PDE4C: variants seen among roughly 807,000 people sequenced by gnomAD.
The protein encoded by PDE4C is 3',5'-cyclic-AMP phosphodiesterase 4C.
Under a neutral mutation model 63.9 loss-of-function variants are expected in PDE4C, and 50 were observed. The ratio of observed to expected loss-of-function variants is 0.78; its 90% CI spans 0.62 to 0.99. PDE4C has a LOEUF of 0.99. Ranked by LOEUF, PDE4C falls within the 50% of genes least tolerant of loss-of-function variation. The pLI is 0.00. For synonymous variants in PDE4C, 377 were observed against 385.1 expected, an observed-to-expected ratio of 0.98 and a Z score of 0.25; for missense variants, 777 against 899.1, an observed-to-expected ratio of 0.86 and a Z score of 1.74.
At chr19:18,244,792 A>G (rs977714149) in intron 1 of PDE4C, among the ~76,000 whole-genome samples, 1 of 150,252 alleles carries the variant, frequency 6.7e-6, no homozygotes, top group African/African-American at 2.4e-5. Context: ...GATTACAGGC[A>G]TGAGCCACAG....
intron 7 of PDE4C, 121 bp from the exon 8 acceptor site, chr19:18,219,518 T>A (rs540811146): frequency 2.5e-6 from 3 of 1,179,538 alleles, no homozygotes; most frequent in Admixed American, 2.8e-5. Flanking sequence ...GGAACCAAAG[T>A]AAGTTCGGAG....
At chr19:18,216,644 CG>C in intron 12 of PDE4C, 96 bp downstream of exon 12, 1 of 1,252,412 alleles carries the variant, frequency 8.0e-7, no homozygotes, top group South Asian at 1.5e-5. Flanking sequence ...GATGAACCGC[CG>C]GCCATGCCAA....
At chr19:18,226,296 C>A in exon 1 of PDE4C, 1 of 1,570,010 alleles carries the variant, frequency 6.4e-7, no homozygotes, top group African/African-American at 1.4e-5. Context: ...CCGTGAAGCG[C>A]CGCTGCAGGC....
chr19:18,246,958 T>A (rs1969144798), intron 1 of PDE4C, among the ~76,000 whole-genome samples: 1 of 152,060 alleles, frequency 6.6e-6, no homozygotes, highest in Non-Finnish European at 1.5e-5. Flanking sequence ...CAGAAACCAC[T>A]GAGTCCTAGA....
In PDE4C at chr19:18,216,716, GC is replaced by G. The variant is rs532055441; in HGVS notation, c.1389+24del. On this transcript the variant is annotated intron_variant, in intron 12 of 14. Coordinates refer to ENST00000262805, the Ensembl canonical transcript of PDE4C. ...TGCCCCGCTCCCCTCTGCCCCTCCC[GC>G]CCCGCTTACTGCCCTGGCCTCACCA... The G allele has an allele frequency of 5.0e-3, 5,403 of 1,076,908 alleles. 13 individuals are homozygous for G. The highest frequency in any genetic ancestry group is 6.4e-3 in the Non-Finnish European group (4,896 of 766,144). The allele number at this position is 1,076,908 out of a possible 1,614,324, so 66.7% of individuals were successfully genotyped here.
chr19:18,221,914 C>A (rs1381476805), intron 2 of PDE4C, among the ~76,000 whole-genome samples: 2 of 152,202 alleles, frequency 1.3e-5, no homozygotes, highest in African/African-American at 4.8e-5. Flanking sequence ...GCGTGAGCCA[C>A]CGTGCCCGGC....
chr19:18,244,052 T>TA (rs1432531479), intron 1 of PDE4C, among the ~76,000 whole-genome samples: 1 of 151,896 alleles, frequency 6.6e-6, no homozygotes, highest in Non-Finnish European at 1.5e-5. Context: ...TTTTTTATTT[T>TA]TAGTAGAGAC....
intron 1 of PDE4C, among the ~76,000 whole-genome samples, chr19:18,241,557 G>A (rs1015595013): frequency 3.3e-5 from 5 of 151,228 alleles, no homozygotes; most frequent in East Asian, 3.9e-4. Context: ...GTGAGCCACC[G>A]CGCCCGGCCA....
At chr19:18,214,814 G>A (rs1968118660) in intron 12 of PDE4C, among the ~76,000 whole-genome samples, 1 of 152,000 alleles carries the variant, frequency 6.6e-6, no homozygotes, top group Non-Finnish European at 1.5e-5. Context: ...GCCGGGTGTG[G>A]TGGCAGGCAC....
At chr19:18,221,069 C>T (rs776286914) in intron 4 of PDE4C, 36 bp downstream of exon 4, 3 of 1,349,350 alleles carry the variant, frequency 2.2e-6, no homozygotes, top group Non-Finnish European at 3.1e-6. Flanking sequence ...TTGTCTCTGC[C>T]GGCCCCGCCC....
upstream of PDE4C, chr19:18,236,902 T>C (rs1968961207): frequency 6.5e-6 from 1 of 152,698 alleles, no homozygotes; most frequent in Non-Finnish European, 1.5e-5. Context: ...TAAGCCTCAA[T>C]GGTGAACACC....
chr19:18,224,099 C>T, intron 1 of PDE4C: 3 of 642,240 alleles, frequency 4.7e-6, no homozygotes, highest in Non-Finnish European at 5.8e-6. Flanking sequence ...CTGCCCGGCC[C>T]ACCCTCCTCC....
intron 13 of PDE4C, among the ~76,000 whole-genome samples, chr19:18,212,568 G>A (rs901806507): frequency 8.6e-5 from 13 of 151,154 alleles, no homozygotes; most frequent in Admixed American, 7.3e-4. Flanking sequence ...TCTAACTCCT[G>A]GCCTCAAGCA....
upstream of PDE4C, among the ~76,000 whole-genome samples, chr19:18,228,801 G>A (rs1600093545): frequency 6.6e-6 from 1 of 152,304 alleles, no homozygotes; most frequent in East Asian, 1.9e-4. Flanking sequence ...GCCCCGCTGG[G>A]TAAGGGACAA....
At chr19:18,225,469 C>T (rs955075641) in intron 1 of PDE4C, 3 of 152,414 alleles carry the variant, frequency 2.0e-5, no homozygotes, top group East Asian at 3.9e-4. Flanking sequence ...TCCCTCCAAC[C>T]CCAGCTATGA....
At chr19:18,222,059 G>A (rs1968504772) in intron 2 of PDE4C, 73 bp downstream of exon 2, 1 of 1,314,888 alleles carries the variant, frequency 7.6e-7, no homozygotes. Flanking sequence ...CTATTTGAAG[G>A]AGCTTGCTGA....
At chr19:18,221,150 C>A in exon 4 of PDE4C, 1 of 1,566,158 alleles carries the variant, frequency 6.4e-7, no homozygotes, top group Non-Finnish European at 8.6e-7. Context: ...CGCCACGTTG[C>A]TCCGAACGGT....
upstream of PDE4C, among the ~76,000 whole-genome samples, chr19:18,238,238 CTTTT>C (rs752994500): frequency 7.1e-6 from 1 of 141,376 alleles, no homozygotes. Context: ...CTCTCTCTCT[CTTTT>C]TTTTTTTTTT....
In PDE4C at chr19:18,223,287, C is replaced by T. The variant is rs184089366; in HGVS notation, c.147-964G>A. Among the ~76,000 whole-genome samples the T allele has an allele frequency of 9.6e-3, 1,445 of 151,146 alleles. 22 individuals are homozygous for T. The highest frequency in any genetic ancestry group is 0.031 in the African/African-American group (1,283 of 41,128). On this transcript the variant is annotated intron_variant, in intron 1 of 14. Transcript: ENST00000262805. ...GTGCAATGGCACAATCTCAGCTCACCGCAACCTCCGCCTCCCAGGTTCAAG... is the reference window on the plus strand; with the variant it reads ...GTGCAATGGCACAATCTCAGCTCACTGCAACCTCCGCCTCCCAGGTTCAAG...
Sources: gnomAD v4.1 joint callset for allele counts (sites outside exome capture counted in the v4.1 genomes callset) on GRCh38, gnomAD v4.1.1 for gene constraint, MANE v1.5 for transcripts, NCBI Gene and HGNC (gene_info 2026-07-23, HGNC 2026-07-21) for gene names.